Variants in CFAP299 observed in about 807,000 individuals in gnomAD.
The protein encoded by CFAP299 is cilia- and flagella-associated protein 299.
In CFAP299, 21 loss-of-function variants were observed where a neutral mutation model predicts 27.0. The observed-to-expected ratio is 0.78, with a 90% CI of 0.55 to 1.12. The LOEUF (loss-of-function observed/expected upper bound fraction) is 1.12. CFAP299 is among the 50% of genes most tolerant of loss of function. The pLI is 0.00. For missense variants in CFAP299, 310 were observed against 276.6 expected (o/e 1.12, Z -0.86); for synonymous variants, 104 against 98.1 (o/e 1.06, Z -0.36).
chr4:80,630,559 C>G (rs570904665), intron 3 of CFAP299, among the ~76,000 whole-genome samples: 97 of 151,836 alleles, frequency 6.4e-4, no homozygotes, highest in African/African-American at 2.3e-3. Flanking sequence ...TTTATAATAT[C>G]GTAGAAAATA....
At chr4:80,714,301 G>T (rs1483685709) in intron 3 of CFAP299, among the ~76,000 whole-genome samples, 1 of 151,996 alleles carries the variant, frequency 6.6e-6, no homozygotes, top group Non-Finnish European at 1.5e-5. Context: ...ACTCTAATTT[G>T]TAAACAGTCA....
chr4:80,691,630 G>T (rs1720702715), intron 3 of CFAP299, among the ~76,000 whole-genome samples: 1 of 150,252 alleles, frequency 6.7e-6, no homozygotes, highest in African/African-American at 2.4e-5. Context: ...TTGAAAACTG[G>T]CACAAGACAG....
At chr4:80,710,520 G>A (rs1417896548) in intron 3 of CFAP299, among the ~76,000 whole-genome samples, 54 of 142,392 alleles carry the variant, frequency 3.8e-4, no homozygotes, top group African/African-American at 1.4e-3. Flanking sequence ...AAGGTAAGTT[G>A]GAATATCAAG....
At chr4:80,759,492 G>A (rs1015834820) in intron 3 of CFAP299, among the ~76,000 whole-genome samples, 2 of 152,116 alleles carry the variant, frequency 1.3e-5, no homozygotes, top group African/African-American at 2.4e-5. Flanking sequence ...AACCATGAAA[G>A]AAAAATGTGA....
chr4:80,355,247 G>A (rs1018359474), intron 1 of CFAP299, among the ~76,000 whole-genome samples: 4 of 151,424 alleles, frequency 2.6e-5, no homozygotes, highest in African/African-American at 9.7e-5. Context: ...TCTCATTTAG[G>A]TTTGGATTTG....
chr4:80,705,945 C>T (rs1169102786), intron 3 of CFAP299, among the ~76,000 whole-genome samples: 1 of 151,684 alleles, frequency 6.6e-6, no homozygotes, highest in Admixed American at 6.6e-5. Flanking sequence ...AGGGAGCATA[C>T]GAATATTTAA....
At chr4:80,388,961 A>G (rs925360874) in intron 2 of CFAP299, among the ~76,000 whole-genome samples, 2 of 152,040 alleles carry the variant, frequency 1.3e-5, no homozygotes, top group Non-Finnish European at 1.5e-5. Context: ...AATGTCTACT[A>G]TTTCCCTGTT....
chr4:80,786,001 C>G (rs1176109180), intron 3 of CFAP299, among the ~76,000 whole-genome samples: 2 of 151,938 alleles, frequency 1.3e-5, no homozygotes, highest in Admixed American at 1.3e-4. Flanking sequence ...TTAAAAAATC[C>G]TTGCAAGATT....
intron 3 of CFAP299, among the ~76,000 whole-genome samples, chr4:80,635,471 A>G (rs1739429124): frequency 6.6e-6 from 1 of 152,158 alleles, no homozygotes; most frequent in Non-Finnish European, 1.5e-5. Context: ...CCTAACCAAA[A>G]TAAACAATAA....
intron 4 of CFAP299, among the ~76,000 whole-genome samples, chr4:80,928,063 TTGA>T (rs1736391175): frequency 6.6e-6 from 1 of 152,266 alleles, no homozygotes; most frequent in South Asian, 2.1e-4. Context: ...CACTGCTAAC[TTGA>T]TGATCTCTCT....
chr4:80,395,138 C>T lies in CFAP299; in HGVS notation c.242+32254C>T, dbSNP rs535051669. On this transcript the variant is annotated intron_variant, in intron 2 of 5. Coordinates refer to ENST00000358105, the MANE Select transcript of CFAP299 (RefSeq NM_152770.3). ...TAATATATAGATACTAATATTTTAT[C>T]TCATTGGTTATTTCTATGTATTTTA... 1.9e-4 allele frequency among the ~76,000 whole-genome samples: 29 copies of T among 151,934 alleles called. No homozygotes were observed. The South Asian group carries it at 5.8e-3, about 30-fold the overall frequency.
At chr4:80,757,285 G>A (rs1725290192) in intron 3 of CFAP299, among the ~76,000 whole-genome samples, 1 of 151,942 alleles carries the variant, frequency 6.6e-6, no homozygotes, top group African/African-American at 2.4e-5. Context: ...GATAACTACT[G>A]AAAGTTCAAT....
At chr4:80,650,612 A>C (rs1371561908) in intron 3 of CFAP299, among the ~76,000 whole-genome samples, 2 of 152,114 alleles carry the variant, frequency 1.3e-5, no homozygotes, top group Non-Finnish European at 2.9e-5. Flanking sequence ...CCATCTCTTA[A>C]AAGGTACAGT....
intron 4 of CFAP299, among the ~76,000 whole-genome samples, chr4:80,929,902 T>C (rs1460771144): frequency 6.6e-6 from 1 of 152,176 alleles, no homozygotes; most frequent in Non-Finnish European, 1.5e-5. Flanking sequence ...AAATACAAAT[T>C]TGGCCTTCTT....
chr4:80,550,530 T>C (rs1734450482), intron 2 of CFAP299, among the ~76,000 whole-genome samples: 1 of 152,094 alleles, frequency 6.6e-6, no homozygotes, highest in African/African-American at 2.4e-5. Flanking sequence ...TTGGGTAATA[T>C]CATCTTCTTG....
intron 3 of CFAP299, among the ~76,000 whole-genome samples, chr4:80,857,956 T>G (rs1210893445): frequency 6.6e-6 from 1 of 152,164 alleles, no homozygotes. Flanking sequence ...CTTTTTCTAT[T>G]GATTGGAATA....
At chr4:80,858,867 G>GA (rs1194889328) in intron 3 of CFAP299, among the ~76,000 whole-genome samples, 8 of 151,800 alleles carry the variant, frequency 5.3e-5, no homozygotes, top group East Asian at 1.9e-4. Flanking sequence ...GTGTGGTGCT[G>GA]AAAAAAAATG....
At chr4:80,483,668 A>G (rs1730676639) in intron 2 of CFAP299, among the ~76,000 whole-genome samples, 2 of 152,154 alleles carry the variant, frequency 1.3e-5, no homozygotes, top group African/African-American at 4.8e-5. Context: ...AAGGGTATAC[A>G]TCAAATGTTG....
At chr4:80,391,802 TACAAA>T (rs1725496981) in intron 2 of CFAP299, among the ~76,000 whole-genome samples, 1 of 152,198 alleles carries the variant, frequency 6.6e-6, no homozygotes, top group Admixed American at 6.5e-5. Flanking sequence ...CCCCCATCAC[TACAAA>T]AATTACAAAA....
Sources: gnomAD v4.1 joint callset for allele counts (sites outside exome capture counted in the v4.1 genomes callset) on GRCh38, gnomAD v4.1.1 for gene constraint, MANE v1.5 for transcripts, NCBI Gene and HGNC (gene_info 2026-07-23, HGNC 2026-07-21) for gene names.